Variants in LHFPL3 observed in about 807,000 individuals in gnomAD.
LHFPL3 encodes LHFPL tetraspan subfamily member 3 protein.
Under a neutral mutation model 19.3 loss-of-function variants are expected in LHFPL3, and 5 were observed. The ratio of observed to expected loss-of-function variants is 0.26; its 90% CI spans 0.14 to 0.54. LHFPL3 has a LOEUF of 0.54. Among genes scored for constraint, LHFPL3 ranks in the 20% least tolerant of loss-of-function variants. The pLI, the probability that LHFPL3 is intolerant of heterozygous loss-of-function variation, is 0.94. For missense variants in LHFPL3, 249 were observed against 307.4 expected, an observed-to-expected ratio of 0.81 and a Z score of 1.42; for synonymous variants, 133 against 126.2, an observed-to-expected ratio of 1.05 and a Z score of -0.36.
At chr7:104,759,724 G>A (rs566800931) in intron 2 of LHFPL3, 1 of 152,272 alleles carries the variant, frequency 6.6e-6, no homozygotes, top group East Asian at 1.9e-4. Flanking sequence ...TTCCGCAGAA[G>A]TTCAGCTTCA....
intron 1 of LHFPL3, among the ~76,000 whole-genome samples, chr7:104,574,773 T>C (rs1474445617): frequency 2.0e-5 from 3 of 152,184 alleles, no homozygotes; most frequent in African/African-American, 7.2e-5. Flanking sequence ...TTGAGATTTT[T>C]CCCCAGTCCC....
intron 1 of LHFPL3, among the ~76,000 whole-genome samples, chr7:104,612,072 A>G (rs1220738491): frequency 1.3e-5 from 2 of 152,204 alleles, no homozygotes; most frequent in Non-Finnish European, 2.9e-5. Flanking sequence ...ATTGAGCAAG[A>G]GTCTAATTTT....
At chr7:104,755,760 A>G (rs1356266821) in intron 2 of LHFPL3, among the ~76,000 whole-genome samples, 2 of 152,206 alleles carry the variant, frequency 1.3e-5, no homozygotes, top group Non-Finnish European at 2.9e-5. Flanking sequence ...CAATGGCACA[A>G]TCTTGGCTCA....
chr7:104,365,787 C>CA (rs571171040), intron 1 of LHFPL3, among the ~76,000 whole-genome samples: 17,424 of 49,870 alleles, frequency 0.35, 2,589 homozygotes, highest in Middle Eastern at 0.47. Context: ...GACTCCGTCT[C>CA]AAAAAAAAAA....
chr7:104,892,579 C>T (rs1211583341), intron 2 of LHFPL3, among the ~76,000 whole-genome samples: 1 of 151,634 alleles, frequency 6.6e-6, no homozygotes, highest in African/African-American at 2.4e-5. Context: ...GGTGTGGTGG[C>T]GGGCACCTGT....
chr7:104,355,008 G>C (rs1006349759), intron 1 of LHFPL3, among the ~76,000 whole-genome samples: 12 of 152,030 alleles, frequency 7.9e-5, no homozygotes, highest in African/African-American at 2.9e-4. Context: ...AATTTTCAGT[G>C]GTCAAATTGA....
chr7:104,639,351 A>G (rs1460131129), intron 1 of LHFPL3, among the ~76,000 whole-genome samples: 1 of 152,034 alleles, frequency 6.6e-6, no homozygotes, highest in African/African-American at 2.4e-5. Flanking sequence ...CAGATTTTCT[A>G]ATTTGTGTGC....
intron 1 of LHFPL3, among the ~76,000 whole-genome samples, chr7:104,593,612 T>C (rs1448178735): frequency 6.6e-6 from 1 of 152,190 alleles, no homozygotes; most frequent in Non-Finnish European, 1.5e-5. Context: ...TTCTGTCTTG[T>C]TGATCTGTCT....
intron 1 of LHFPL3, among the ~76,000 whole-genome samples, chr7:104,645,958 T>C (rs1791926439): frequency 6.6e-6 from 1 of 152,156 alleles, no homozygotes; most frequent in South Asian, 2.1e-4. Flanking sequence ...ACAATACACC[T>C]ATGCTGATGT....
intron 1 of LHFPL3, among the ~76,000 whole-genome samples, chr7:104,362,801 A>G (rs1293720969): frequency 6.6e-6 from 1 of 152,222 alleles, no homozygotes; most frequent in Non-Finnish European, 1.5e-5. Context: ...GGAATGGAGA[A>G]TGTTGATTAG....
intron 1 of LHFPL3, among the ~76,000 whole-genome samples, chr7:104,482,278 ACT>A (rs1032952691): frequency 2.0e-5 from 3 of 152,040 alleles, no homozygotes; most frequent in African/African-American, 7.3e-5. Context: ...TCTTGAGAAC[ACT>A]CTCTATAAGT....
chr7:104,665,154 G>A (rs867951845), intron 1 of LHFPL3, among the ~76,000 whole-genome samples: 2 of 152,116 alleles, frequency 1.3e-5, no homozygotes, highest in East Asian at 1.9e-4. Flanking sequence ...TTTCAAAATA[G>A]GTCATTCACT....
intron 2 of LHFPL3, chr7:104,785,659 G>C (rs1369198324): frequency 6.6e-6 from 1 of 152,138 alleles, no homozygotes; most frequent in Non-Finnish European, 1.5e-5. Context: ...TCTTAACCTA[G>C]AAATGTCTTG....
At chr7:104,391,835 T>G (rs1791076334) in intron 1 of LHFPL3, among the ~76,000 whole-genome samples, 1 of 152,224 alleles carries the variant, frequency 6.6e-6, no homozygotes, top group Non-Finnish European at 1.5e-5. Flanking sequence ...TGTTCTTCCA[T>G]TTGTTTGTAT....
intron 1 of LHFPL3, among the ~76,000 whole-genome samples, chr7:104,574,387 T>A (rs538456243): frequency 6.6e-6 from 1 of 152,216 alleles, no homozygotes; most frequent in Non-Finnish European, 1.5e-5. Context: ...ATATCATTAA[T>A]GGATTACTAA....
chr7:104,537,414 CAGTT>C (rs1369733444), intron 1 of LHFPL3, among the ~76,000 whole-genome samples: 4 of 152,168 alleles, frequency 2.6e-5, no homozygotes. Flanking sequence ...TAAACTTCCT[CAGTT>C]AGGCAACCTT....
chr7:104,340,610 G>A (rs1329177376), intron 1 of LHFPL3, among the ~76,000 whole-genome samples: 1 of 152,166 alleles, frequency 6.6e-6, no homozygotes, highest in Admixed American at 6.5e-5. Context: ...ACTACCTAAT[G>A]AAGGCAATTG....
intron 1 of LHFPL3, among the ~76,000 whole-genome samples, chr7:104,603,186 C>CCTTTCTTT (rs1249402908): frequency 1.4e-5 from 1 of 72,970 alleles, no homozygotes; most frequent in African/African-American, 4.5e-5. Context: ...TTTCTTTCTT[C>CCTTTCTTT]CTTTCTTTCT....
chr7:104,484,948 G>A (rs1327486340), intron 1 of LHFPL3, among the ~76,000 whole-genome samples: 3 of 152,136 alleles, frequency 2.0e-5, no homozygotes, highest in African/African-American at 7.2e-5. Context: ...TTACATTGGG[G>A]ATTAAGTTTC....
Sources: gnomAD v4.1 joint callset for allele counts (sites outside exome capture counted in the v4.1 genomes callset) on GRCh38, gnomAD v4.1.1 for gene constraint, MANE v1.5 for transcripts, NCBI Gene and HGNC (gene_info 2026-07-23, HGNC 2026-07-21) for gene names.